The following DGCR8 variants were observed in gnomAD, a reference collection of about 807,000 sequenced individuals.
The protein encoded by DGCR8 is DGCR8 microprocessor complex subunit, also known as microprocessor complex subunit DGCR8.
A neutral mutation model predicts 78.5 loss-of-function variants in DGCR8; 14 were observed. That is an observed-to-expected ratio of 0.18 (90% CI 0.12 to 0.28). The LOEUF is 0.28. Ranked by LOEUF, DGCR8 falls within the 10% of genes least tolerant of loss-of-function variation. The pLI is 1.00. For synonymous variants in DGCR8, 399 were observed against 402.4 expected (o/e 0.99, Z 0.10); for missense variants, 702 against 1,022.5 (o/e 0.69, Z 4.28).
In DGCR8 at chr22:20,087,392, G is replaced by A. The variant is rs944283645; in HGVS notation, c.880+71G>A. The A allele has an allele frequency of 7.3e-6, 11 of 1,511,080 alleles. No homozygotes were observed. The highest frequency in any genetic ancestry group is 9.8e-6 in the Non-Finnish European group (11 of 1,121,460). 93.6% of individuals were successfully genotyped at this position (1,511,080 alleles called of 1,614,324 possible). ...GGGTGGTTGCTTCCTTAGCAGAAAT[G>A]CTTTGAGAGAGCTCTGGTGCCAGGT... is the stretch of plus-strand genomic sequence containing the variant. On this transcript the variant is annotated intron_variant, in intron 3 of 13. Coordinates refer to ENST00000351989, the MANE Select transcript of DGCR8 (RefSeq NM_022720.7). This position sits in a 1 kb window ranked among gnomAD's most constrained non-coding sequence, Gnocchi z 4.1.
In DGCR8 at chr22:20,094,694, G is replaced by C. The variant is rs745661918; in HGVS notation, c.1706-19G>C. ...AGGGCAGTGCCCAAGCCTCACCCTC[G>C]GGCTCTTTTTTTTCATAGCCCGAGC... On this transcript the variant is annotated intron_variant, in intron 8 of 13. Coordinates refer to ENST00000351989, the MANE Select transcript of DGCR8 (RefSeq NM_022720.7). 2 of 1,611,608 alleles carry C rather than the reference G, an allele frequency of 1.2e-6. No homozygotes were observed. The highest frequency in any genetic ancestry group is 1.7e-6 in the Non-Finnish European group (2 of 1,177,910).
At position 20,090,184 on chromosome 22, in the gene DGCR8, T is replaced by C. The variant is rs2049537967; in HGVS notation, c.1232T>C (p.Leu411Pro). 1 of 1,614,210 alleles carries C rather than the reference T, an allele frequency of 6.2e-7. No individual in the cohort carries two copies. The highest frequency in any genetic ancestry group is 8.5e-7 in the Non-Finnish European group (1 of 1,180,036). ...GGGCCCCCGGACGAGAAAGACCCACTAGGGGCTGAGGCAGCCCCTGGGGCC... is the reference window on the plus strand; with the variant it reads ...GGGCCCCCGGACGAGAAAGACCCACCAGGGGCTGAGGCAGCCCCTGGGGCC... The part of the protein sequence containing the change: ...DPGPPDEKDP[L>P]GAEAAPGALG... Residue 411 changes from leucine (L) to proline (P), a missense_variant, in exon 5 of 14, where the codon CTA becomes CCA. Leu to Pro is a moderately conservative substitution (Grantham distance 98). Transcript: ENST00000351989.
intron 10 of DGCR8, 93 bp from the exon 11 acceptor site, chr22:20,106,499 T>TCATTTCC: frequency 1.0e-6 from 1 of 981,078 alleles, no homozygotes; most frequent in Non-Finnish European, 1.6e-6. Context: ...AGAGGCTTGG[T>TCATTTCC]CATTTCCTAA....
rs1429264534 is a variant in DGCR8 at position 20,107,478 on chromosome 22, G to A, written c.2124+80G>A. 4.6e-6 allele frequency: 7 copies of A among 1,537,766 alleles called. No individual in the cohort carries two copies. The East Asian group carries it at 1.6e-4, about 35-fold the overall frequency. ...TTCCTGAGGCTCTGTGCTCAGAGGGGGCAGAGCTGGGCAGCTCTGCTGTTG... is the reference window on the plus strand; with the variant it reads ...TTCCTGAGGCTCTGTGCTCAGAGGGAGCAGAGCTGGGCAGCTCTGCTGTTG... On this transcript the variant is annotated intron_variant, in intron 12 of 13. Coordinates refer to ENST00000351989, the MANE Select transcript of DGCR8 (RefSeq NM_022720.7).
intron 1 of DGCR8, among the ~76,000 whole-genome samples, chr22:20,082,655 C>T (rs938827449): frequency 1.1e-4 from 16 of 152,244 alleles, no homozygotes; most frequent in Non-Finnish European, 1.5e-5. Flanking sequence ...TCGTGCACCA[C>T]CGCGCCCGGC....
chr22:20,098,344 G>A (rs887522424), intron 9 of DGCR8, among the ~76,000 whole-genome samples: 2 of 152,004 alleles, frequency 1.3e-5, no homozygotes, highest in Non-Finnish European at 2.9e-5. Flanking sequence ...TTTTCTGTAG[G>A]TGATGTAAAA....
intron 12 of DGCR8, chr22:20,108,105 C>T (rs2049791624): frequency 6.5e-6 from 1 of 152,758 alleles, no homozygotes; most frequent in South Asian, 2.1e-4. Flanking sequence ...CCTTTAGGTC[C>T]CTGAGACCGA....
At position 20,094,814 on chromosome 22, in the gene DGCR8, C is replaced by T. The variant is rs1469132862; in HGVS notation, c.1788+19C>T. ...ACTCGAGGTGAGTGTTGTGGTCCTGCCCTGCTGGGAGCTGTGTGTGCAGTG... is the reference window on the plus strand; with the variant it reads ...ACTCGAGGTGAGTGTTGTGGTCCTGTCCTGCTGGGAGCTGTGTGTGCAGTG... On this transcript the variant is annotated intron_variant, in intron 9 of 13. Transcript: ENST00000351989. The T allele has an allele frequency of 1.9e-6, 3 of 1,610,270 alleles. No homozygotes were observed. The highest frequency in any genetic ancestry group is 1.7e-5 in the Admixed American group (1 of 60,006).
chr22:20,090,382 A>AAGGGG, intron 5 of DGCR8, 124 bp downstream of exon 5: 1 of 1,160,918 alleles, frequency 8.6e-7, no homozygotes, highest in Admixed American at 2.9e-5. Flanking sequence ...GTGCACCTCC[A>AAGGGG]CTGTTGGTGT....
At chr22:20,084,206 A>G (rs1006732978) in intron 1 of DGCR8, among the ~76,000 whole-genome samples, 3 of 152,144 alleles carry the variant, frequency 2.0e-5, no homozygotes, top group Admixed American at 6.5e-5. Flanking sequence ...AAGTACATCC[A>G]CCATGCCTTG....
At chr22:20,107,426 C>A (rs2049783901) in intron 12 of DGCR8, 28 bp downstream of exon 12, 6 of 1,613,312 alleles carry the variant, frequency 3.7e-6, no homozygotes, top group Non-Finnish European at 4.2e-6. Context: ...GGTCCCAGGG[C>A]AGCCTGTGCT....
chr22:20,094,227 G>A (rs2049600521), intron 8 of DGCR8, among the ~76,000 whole-genome samples: 1 of 152,180 alleles, frequency 6.6e-6, no homozygotes, highest in African/African-American at 2.4e-5. Flanking sequence ...CTTGGCTATG[G>A]CAACTCCGAC....
intron 9 of DGCR8, among the ~76,000 whole-genome samples, chr22:20,104,257 C>T (rs908852368): frequency 8.6e-5 from 13 of 151,968 alleles, no homozygotes; most frequent in African/African-American, 3.1e-4. Context: ...CTCTGCTTCC[C>T]GGGTTCACGC....
chr22:20,081,394 C>T (rs887203771), intron 1 of DGCR8, among the ~76,000 whole-genome samples: 1 of 152,200 alleles, frequency 6.6e-6, no homozygotes, highest in Non-Finnish European at 1.5e-5. Flanking sequence ...GCCGTGAGCC[C>T]GTTCCTGTCC....
At chr22:20,102,476 T>G (rs1417460919) in intron 9 of DGCR8, among the ~76,000 whole-genome samples, 1 of 152,178 alleles carries the variant, frequency 6.6e-6, no homozygotes, top group Non-Finnish European at 1.5e-5. Flanking sequence ...GTTTCTGGGT[T>G]TTGGTGATGG....
chr22:20,092,986 C>A, intron 8 of DGCR8, 79 bp downstream of exon 8: 1 of 1,103,288 alleles, frequency 9.1e-7, no homozygotes, highest in Non-Finnish European at 1.3e-6. Context: ...AGGGGCTGAG[C>A]AGTGGTGACA....
chr22:20,099,412 A>G (rs1443252890), intron 9 of DGCR8, among the ~76,000 whole-genome samples: 1 of 152,190 alleles, frequency 6.6e-6, no homozygotes, highest in African/African-American at 2.4e-5. Flanking sequence ...AGATCAAATA[A>G]AGACAAATCC....
rs1039004403 is a variant in DGCR8, at chr22:20,087,481, T to G, written c.880+160T>G. On this transcript the variant is annotated intron_variant, in intron 3 of 13. Transcript: ENST00000351989. This position sits in a 1 kb window ranked among gnomAD's most constrained non-coding sequence, Gnocchi z 4.1. ...AATATCTGAGGAGGGAAACACAGGATGGGAGGACGTCCTGATGCATGACCC... is the reference window on the plus strand; with the variant it reads ...AATATCTGAGGAGGGAAACACAGGAGGGGAGGACGTCCTGATGCATGACCC... Among the ~76,000 whole-genome samples, 2 of 151,810 alleles carry G rather than the reference T, an allele frequency of 1.3e-5. No homozygotes were observed. The highest frequency in any genetic ancestry group is 4.8e-5 in the African/African-American group (2 of 41,286).
rs191582647 is a variant in DGCR8 at position 20,098,198 on chromosome 22, T to C, written c.1788+3403T>C. Among the ~76,000 whole-genome samples the C allele has an allele frequency of 8.6e-4, 130 of 151,596 alleles. 1 individual carries two copies. Among genetic ancestry groups the C allele is most frequent in the African/African-American group, 3.0e-3 (124 of 41,356 alleles). On this transcript the variant is annotated intron_variant, in intron 9 of 13. Transcript: ENST00000351989. ...TAGAGATGGGGTTTCACCATATTGC[T>C]CAGGCTGGTCTCGAACTCCTAGGCT...
Sources: allele counts gnomAD v4.1 joint callset (sites outside exome capture counted in the v4.1 genomes callset), GRCh38; gene constraint gnomAD v4.1.1; non-coding constraint Gnocchi (gnomAD v3.1); transcripts MANE v1.5; gene names NCBI Gene and HGNC (gene_info 2026-07-23, HGNC 2026-07-21).